Variants in C8orf34 observed in about 807,000 individuals in gnomAD.
C8orf34 encodes chromosome 8 open reading frame 34.
C8orf34 carries 65 observed loss-of-function variants against 68.3 expected under a neutral mutation model. The ratio of observed to expected loss-of-function variants is 0.95; its 90% confidence interval spans 0.78 to 1.17. C8orf34 has a LOEUF of 1.17. Among genes scored for constraint, C8orf34 ranks in the 50% most tolerant of loss-of-function variants. The pLI is 0.00. For synonymous variants in C8orf34, 244 were observed against 241.2 expected (o/e 1.01, Z -0.11); for missense variants, 664 against 655.4 (o/e 1.01, Z -0.14).
intron 7 of C8orf34, among the ~76,000 whole-genome samples, chr8:68,544,585 A>G (rs1203853276): frequency 6.6e-6 from 1 of 152,172 alleles, no homozygotes; most frequent in East Asian, 1.9e-4. Context: ...AATATATGCA[A>G]CTGTTGTAAT....
At chr8:68,813,287 C>T (rs1044555361) in intron 12 of C8orf34, among the ~76,000 whole-genome samples, 4 of 152,084 alleles carry the variant, frequency 2.6e-5, no homozygotes, top group African/African-American at 9.7e-5. Flanking sequence ...GAAGCAGTAC[C>T]AGGCTGAATG....
At chr8:68,439,211 A>G in intron 1 of C8orf34, 1 of 217,100 alleles carries the variant, frequency 4.6e-6, no homozygotes, top group Non-Finnish European at 9.0e-6. Flanking sequence ...TTTAGATTAA[A>G]CTTTTAATAT....
chr8:68,476,380 G>A (rs117596970), intron 4 of C8orf34, among the ~76,000 whole-genome samples: 2,807 of 152,288 alleles, frequency 0.018, 35 homozygotes, highest in Middle Eastern at 0.065. Context: ...AAAGGTCAAG[G>A]TACAGTAGGA....
intron 5 of C8orf34, among the ~76,000 whole-genome samples, chr8:68,496,129 G>A (rs751990519): frequency 2.6e-5 from 4 of 152,060 alleles, no homozygotes; most frequent in Admixed American, 6.5e-5. Flanking sequence ...TTCCTCTTAA[G>A]AAATAGACTT....
intron 7 of C8orf34, among the ~76,000 whole-genome samples, chr8:68,576,506 A>G (rs539095291): frequency 2.0e-5 from 3 of 151,748 alleles, no homozygotes; most frequent in African/African-American, 7.3e-5. Context: ...TCTCAGCTAC[A>G]ATTCTTTCAA....
chr8:68,373,888 A>G (rs533864880), intron 1 of C8orf34, among the ~76,000 whole-genome samples: 8 of 152,146 alleles, frequency 5.3e-5, no homozygotes, highest in Non-Finnish European at 8.8e-5. Flanking sequence ...ACTAAAGGAT[A>G]TATTCTAGTT....
chr8:68,784,854 A>T (rs1013076712), intron 11 of C8orf34, among the ~76,000 whole-genome samples: 4 of 151,300 alleles, frequency 2.6e-5, no homozygotes. Context: ...GCTTTTTGGC[A>T]CTACCAGATG....
chr8:68,612,018 C>G (rs976868827), intron 7 of C8orf34, among the ~76,000 whole-genome samples: 1 of 151,996 alleles, frequency 6.6e-6, no homozygotes, highest in African/African-American at 2.4e-5. Context: ...TTCAGAAAAT[C>G]AAACTTGTGA....
At chr8:68,494,812 C>T (rs375386405) in intron 5 of C8orf34, among the ~76,000 whole-genome samples, 1 of 151,586 alleles carries the variant, frequency 6.6e-6, no homozygotes, top group South Asian at 2.1e-4. Flanking sequence ...GCTGAGATCA[C>T]GCTACTACAC....
At chr8:68,762,859 C>T (rs1445623609) in intron 10 of C8orf34, among the ~76,000 whole-genome samples, 2 of 152,122 alleles carry the variant, frequency 1.3e-5, no homozygotes, top group African/African-American at 2.4e-5. Flanking sequence ...CTCTTCTAGT[C>T]CCCAAAGGGG....
chr8:68,457,755 G>A (rs72664965), intron 3 of C8orf34, among the ~76,000 whole-genome samples: 5 of 152,204 alleles, frequency 3.3e-5, no homozygotes, highest in East Asian at 1.9e-4. Flanking sequence ...TGAGCTCTGC[G>A]TCAGTGACCC....
chr8:68,771,985 T>C (rs1823351938), intron 10 of C8orf34, among the ~76,000 whole-genome samples: 1 of 152,198 alleles, frequency 6.6e-6, no homozygotes, highest in South Asian at 2.1e-4. Context: ...AAGTGCTTAA[T>C]AAATACCTAT....
chr8:68,515,860 G>A (rs1814489419), intron 5 of C8orf34, among the ~76,000 whole-genome samples: 1 of 152,200 alleles, frequency 6.6e-6, no homozygotes, highest in African/African-American at 2.4e-5. Context: ...TACTATGTAT[G>A]AATCAGTTCA....
intron 7 of C8orf34, among the ~76,000 whole-genome samples, chr8:68,616,550 T>C (rs1228460717): frequency 4.6e-5 from 7 of 152,128 alleles, no homozygotes; most frequent in East Asian, 3.9e-4. Flanking sequence ...GTTATGTACC[T>C]GGTAGTCATT....
chr8:68,579,431 T>C (rs1816998000), intron 7 of C8orf34, among the ~76,000 whole-genome samples: 1 of 152,166 alleles, frequency 6.6e-6, no homozygotes, highest in African/African-American at 2.4e-5. Context: ...CTCCTTTAGA[T>C]TTGGCCCTCT....
At chr8:68,668,179 G>T (rs530495614) in intron 8 of C8orf34, among the ~76,000 whole-genome samples, 2 of 151,754 alleles carry the variant, frequency 1.3e-5, no homozygotes, top group Admixed American at 6.6e-5. Context: ...CCTTAAAAAC[G>T]TATTATTATA....
chr8:68,774,412 A>C (rs1378241297), intron 10 of C8orf34, among the ~76,000 whole-genome samples: 2 of 151,216 alleles, frequency 1.3e-5, no homozygotes, highest in Admixed American at 6.6e-5. Flanking sequence ...GTGTGCTTTG[A>C]GTTAAATTCC....
At chr8:68,675,412 A>G (rs1222140068) in intron 8 of C8orf34, among the ~76,000 whole-genome samples, 1 of 152,190 alleles carries the variant, frequency 6.6e-6, no homozygotes, top group Non-Finnish European at 1.5e-5. Context: ...AAAAAGTTAA[A>G]AAGTGGAGAG....
At chr8:68,525,782 T>TTCA (rs57979584) in intron 6 of C8orf34, 274,352 of 557,614 alleles carry the variant, frequency 0.49, 68,803 homozygotes, top group Middle Eastern at 0.52. Flanking sequence ...GTAGCCATGC[T>TTCA]TCATCACAGT....
Sources: gnomAD v4.1 joint callset for allele counts (sites outside exome capture counted in the v4.1 genomes callset) on GRCh38, gnomAD v4.1.1 for gene constraint, MANE v1.5 for transcripts, NCBI Gene and HGNC (gene_info 2026-07-23, HGNC 2026-07-21) for gene names.